The following SUPT3H variants were observed in gnomAD, a reference collection of about 807,000 sequenced individuals.
The protein encoded by SUPT3H is SPT3 homolog, SAGA and STAGA complex component.
Under a neutral mutation model 44.3 loss-of-function variants are expected in SUPT3H, and 44 were observed. The observed-to-expected ratio is 0.99, with a 90% CI of 0.78 to 1.28. The LOEUF is 1.28. SUPT3H is among the 50% of genes most tolerant of loss of function. SUPT3H has a pLI of 0.00. For synonymous variants in SUPT3H, 124 were observed against 125.6 expected, an observed-to-expected ratio of 0.99 and a Z score of 0.09; for missense variants, 380 against 387.1, an observed-to-expected ratio of 0.98 and a Z score of 0.15.
chr6:45,106,348 CT>C (rs1377480759), intron 2 of SUPT3H, among the ~76,000 whole-genome samples: 1 of 152,198 alleles, frequency 6.6e-6, no homozygotes, highest in South Asian at 2.1e-4. Flanking sequence ...GGGGGGATGG[CT>C]TGAGCCCAGG....
chr6:44,983,241 T>C (rs377195880), intron 6 of SUPT3H, among the ~76,000 whole-genome samples: 1 of 152,172 alleles, frequency 6.6e-6, no homozygotes, highest in East Asian at 1.9e-4. Context: ...TTCCACTATA[T>C]TAGTCTATAC....
chr6:45,181,308 C>T (rs1186672451), intron 2 of SUPT3H, among the ~76,000 whole-genome samples: 4 of 150,142 alleles, frequency 2.7e-5, no homozygotes, highest in East Asian at 2.0e-4. Flanking sequence ...GTCAGTGTGG[C>T]GATTCCTCAG....
At chr6:44,880,437 C>G (rs1218539042) in intron 10 of SUPT3H, among the ~76,000 whole-genome samples, 3 of 151,966 alleles carry the variant, frequency 2.0e-5, no homozygotes, top group Admixed American at 1.3e-4. Context: ...GTGAAAAGAC[C>G]AAACCTACAC....
At chr6:45,194,707 T>A (rs993464360) in intron 2 of SUPT3H, among the ~76,000 whole-genome samples, 2 of 152,062 alleles carry the variant, frequency 1.3e-5, no homozygotes, top group African/African-American at 2.4e-5. Context: ...AAAAATACAC[T>A]ACGGTTATAA....
chr6:45,231,863 T>C (rs1768122384), intron 2 of SUPT3H, among the ~76,000 whole-genome samples: 1 of 152,198 alleles, frequency 6.6e-6, no homozygotes, highest in Non-Finnish European at 1.5e-5. Context: ...CTGGTTGTTC[T>C]AGTCTATTGC....
At chr6:45,332,276 T>C (rs2150086699) in intron 2 of SUPT3H, among the ~76,000 whole-genome samples, 1 of 151,776 alleles carries the variant, frequency 6.6e-6, no homozygotes, top group South Asian at 2.1e-4. Flanking sequence ...ACATGAAAAC[T>C]GTGGTAATAT....
intron 2 of SUPT3H, among the ~76,000 whole-genome samples, chr6:45,154,692 A>G (rs1807524285): frequency 1.3e-5 from 2 of 152,142 alleles, no homozygotes; most frequent in African/African-American, 4.8e-5. Flanking sequence ...TCCCCTAAAA[A>G]TCATTTACTC....
At chr6:45,083,799 C>A (rs1454860882) in intron 3 of SUPT3H, among the ~76,000 whole-genome samples, 1 of 151,632 alleles carries the variant, frequency 6.6e-6, no homozygotes, top group Non-Finnish European at 1.5e-5. Flanking sequence ...CACACATCTA[C>A]AACCATCTGA....
intron 6 of SUPT3H, among the ~76,000 whole-genome samples, chr6:44,998,032 AT>A (rs1465627041): frequency 6.6e-6 from 1 of 151,940 alleles, no homozygotes; most frequent in Non-Finnish European, 1.5e-5. Flanking sequence ...TCAAATTAAA[AT>A]TGCTAATACT....
chr6:44,981,870 A>G (rs1582886250), intron 6 of SUPT3H, among the ~76,000 whole-genome samples: 1 of 37,304 alleles, frequency 2.7e-5, no homozygotes, highest in South Asian at 8.9e-4. Context: ...ACATGACATG[A>G]AAAAAAAAAA....
chr6:45,288,016 G>A (rs181891389), intron 2 of SUPT3H, among the ~76,000 whole-genome samples: 3 of 152,208 alleles, frequency 2.0e-5, no homozygotes, highest in Non-Finnish European at 2.9e-5. Flanking sequence ...CCAGGTTAAC[G>A]TGACAGCCAT....
chr6:44,841,258 T>C (rs1770887484), intron 10 of SUPT3H, among the ~76,000 whole-genome samples: 1 of 152,212 alleles, frequency 6.6e-6, no homozygotes, highest in Admixed American at 6.5e-5. Flanking sequence ...TAAACCCTGT[T>C]TTAGCCATTA....
rs529277883 is a variant in SUPT3H at position 45,255,028 on chromosome 6, A to G, written c.101+110173T>C. On this transcript the variant is annotated intron_variant, in intron 2 of 10. Transcript: ENST00000371459. ...CACCACTTGTGGGCAAATAATCCTTATATTACTTAATAACGGCCCCAAAGC... is the reference window on the plus strand; with the variant it reads ...CACCACTTGTGGGCAAATAATCCTTGTATTACTTAATAACGGCCCCAAAGC... Among the ~76,000 whole-genome samples, 282 of 152,314 alleles carry G rather than the reference A, an allele frequency of 1.9e-3. 1 individual carries two copies. The highest frequency in any genetic ancestry group is 6.3e-3 in the African/African-American group (260 of 41,570).
At chr6:44,842,645 AAAGAT>A (rs1354413983) in intron 10 of SUPT3H, among the ~76,000 whole-genome samples, 2 of 152,130 alleles carry the variant, frequency 1.3e-5, no homozygotes, top group Non-Finnish European at 2.9e-5. Context: ...CATGATACAT[AAAGAT>A]AAGAAAGATT....
At chr6:45,305,555 T>G (rs934044574) in intron 2 of SUPT3H, among the ~76,000 whole-genome samples, 4 of 152,252 alleles carry the variant, frequency 2.6e-5, no homozygotes, top group Non-Finnish European at 5.9e-5. Context: ...CCTTTCTTTA[T>G]GTGGTTTTAG....
intron 11 of SUPT3H, among the ~76,000 whole-genome samples, chr6:44,815,966 T>C (rs1403710231): frequency 6.6e-6 from 1 of 152,128 alleles, no homozygotes; most frequent in Non-Finnish European, 1.5e-5. Flanking sequence ...CAAGTGCATA[T>C]GCACATGTTC....
chr6:44,851,095 T>C (rs1357419287), intron 10 of SUPT3H, among the ~76,000 whole-genome samples: 1 of 152,142 alleles, frequency 6.6e-6, no homozygotes, highest in Non-Finnish European at 1.5e-5. Flanking sequence ...CATCAAGGAC[T>C]TGGGGATTTT....
chr6:44,976,086 A>C (rs1778293479), intron 6 of SUPT3H, among the ~76,000 whole-genome samples: 1 of 152,176 alleles, frequency 6.6e-6, no homozygotes, highest in Non-Finnish European at 1.5e-5. Flanking sequence ...CACGAATCAG[A>C]AATGAGCAAG....
chr6:45,357,387 G>A (rs757779541), intron 2 of SUPT3H, among the ~76,000 whole-genome samples: 9 of 152,058 alleles, frequency 5.9e-5, no homozygotes, highest in Non-Finnish European at 1.2e-4. Context: ...CTGGAGAACA[G>A]TGGCAGGATC....
Sources: allele counts gnomAD v4.1 joint callset (sites outside exome capture counted in the v4.1 genomes callset), GRCh38; gene constraint gnomAD v4.1.1; transcripts MANE v1.5; gene names NCBI Gene and HGNC (gene_info 2026-07-23, HGNC 2026-07-21).